The following BCO2 variants were observed in gnomAD, a reference collection of about 807,000 sequenced individuals.
BCO2 encodes the protein beta-carotene oxygenase 2, also known as carotenoid-cleaving dioxygenase, mitochondrial.
In BCO2, 56 loss-of-function variants were observed where a neutral mutation model predicts 65.8. The ratio of observed to expected loss-of-function variants is 0.85; its 90% CI spans 0.69 to 1.06. The LOEUF (loss-of-function observed/expected upper bound fraction) is 1.06. BCO2 is among the 50% of genes least tolerant of loss of function. The probability of loss-of-function intolerance (pLI) is 0.00; values close to 1 mark genes in which losing one functional copy is unlikely to be tolerated. For synonymous variants in BCO2, 233 were observed against 242.3 expected (o/e 0.96, Z 0.36); for missense variants, 675 against 698.5 (o/e 0.97, Z 0.38).
chr11:112,215,149 A>G, intron 10 of BCO2: 1 of 569,968 alleles, frequency 1.8e-6, no homozygotes, highest in East Asian at 2.9e-5. Context: ...CAGCAAAATA[A>G]TTCTATGTTT....
chr11:112,213,631 A>G, intron 8 of BCO2, 93 bp from the exon 9 acceptor site: 1 of 1,220,346 alleles, frequency 8.2e-7, no homozygotes, highest in East Asian at 2.3e-5. Flanking sequence ...TTAAATATTT[A>G]GGAATGCCAA....
At chr11:112,182,960 A>C in intron 2 of BCO2, 3 of 1,107,436 alleles carry the variant, frequency 2.7e-6, no homozygotes, top group Non-Finnish European at 4.2e-6. Context: ...TGAAAGGTGT[A>C]GATATGGAAG....
chr11:112,198,215 T>G (rs1356949139), intron 5 of BCO2, among the ~76,000 whole-genome samples: 5 of 151,996 alleles, frequency 3.3e-5, no homozygotes, highest in Non-Finnish European at 4.4e-5. Flanking sequence ...CACAGCACTT[T>G]GGGAAGATGA....
chr11:112,188,762 T>A (rs1867283093), intron 2 of BCO2, among the ~76,000 whole-genome samples: 1 of 151,618 alleles, frequency 6.6e-6, no homozygotes, highest in African/African-American at 2.4e-5. Context: ...AATAGCTTTT[T>A]TTTTTTTTAA....
intron 2 of BCO2, among the ~76,000 whole-genome samples, chr11:112,185,566 T>A (rs1474148033): frequency 7.2e-5 from 11 of 152,216 alleles, no homozygotes; most frequent in Non-Finnish European, 1.5e-4. Context: ...TTTGATGTAT[T>A]TCCTGCCAGT....
intron 2 of BCO2, among the ~76,000 whole-genome samples, chr11:112,191,747 T>C (rs1867397153): frequency 6.6e-6 from 1 of 152,078 alleles, no homozygotes; most frequent in Non-Finnish European, 1.5e-5. Context: ...AATTAAAACA[T>C]TGTGATATTG....
At chr11:112,194,585 T>C in intron 4 of BCO2, 68 bp from the exon 5 acceptor site, 1 of 912,628 alleles carries the variant, frequency 1.1e-6, no homozygotes, top group Non-Finnish European at 1.8e-6. Context: ...ACATTAGATA[T>C]TTCTACTATT....
chr11:112,179,238 T>G (rs1424221243), intron 1 of BCO2, 40 bp from the exon 2 acceptor site: 1 of 1,578,914 alleles, frequency 6.3e-7, no homozygotes, highest in Non-Finnish European at 8.7e-7. Flanking sequence ...ATAGAAGATT[T>G]GGTAAAATAT....
chr11:112,201,591 TTACTC>T lies in BCO2; in HGVS notation c.1027-429_1027-425del, dbSNP rs553035469. Among the ~76,000 whole-genome samples, 9 of 152,316 alleles carry T rather than the reference TTACTC, an allele frequency of 5.9e-5. No homozygotes were observed. The South Asian group carries it at 1.7e-3, about 28-fold the overall frequency. ...TCTCTAAAGAGATAGTATCTTAAAT[TTACTC>T]TATCTGGATCTCATTACAAAAAAAA... is the stretch of plus-strand genomic sequence containing the variant. On this transcript the variant is annotated intron_variant, in intron 7 of 11. Coordinates refer to ENST00000357685, the MANE Select transcript of BCO2 (RefSeq NM_031938.7).
At chr11:112,203,412 G>C (rs1357060864) in intron 8 of BCO2, among the ~76,000 whole-genome samples, 3 of 151,980 alleles carry the variant, frequency 2.0e-5, no homozygotes, top group African/African-American at 7.3e-5. Context: ...ATGGCCTTTT[G>C]CATGTCTATA....
chr11:112,197,965 G>A (rs1016347285), intron 5 of BCO2, among the ~76,000 whole-genome samples: 1 of 152,128 alleles, frequency 6.6e-6, no homozygotes, highest in Non-Finnish European at 1.5e-5. Context: ...ACCTCCTTTA[G>A]GTCTTTACTC....
chr11:112,176,659 A>C (rs760770340), intron 1 of BCO2, among the ~76,000 whole-genome samples: 11 of 152,200 alleles, frequency 7.2e-5, no homozygotes, highest in Non-Finnish European at 1.3e-4. Flanking sequence ...AGGAACATTC[A>C]TGAAGTGGTA....
At chr11:112,217,165 A>G (rs1157233616) in intron 11 of BCO2, among the ~76,000 whole-genome samples, 8 of 152,236 alleles carry the variant, frequency 5.3e-5, no homozygotes, top group African/African-American at 1.9e-4. Flanking sequence ...ACTCAAAGAA[A>G]TTCTGTGAAG....
chr11:112,196,444 A>G (rs1867576753), intron 5 of BCO2, among the ~76,000 whole-genome samples: 1 of 152,226 alleles, frequency 6.6e-6, no homozygotes, highest in Non-Finnish European at 1.5e-5. Flanking sequence ...CTTTGGTTTT[A>G]GCTTTTCTAG....
At chr11:112,181,805 C>A (rs1323679086) in intron 2 of BCO2, 2 of 852,864 alleles carry the variant, frequency 2.3e-6, no homozygotes, top group African/African-American at 3.3e-5. Flanking sequence ...TCAAAATGGC[C>A]AGTTTAAGCT....
intron 2 of BCO2, among the ~76,000 whole-genome samples, chr11:112,190,182 A>G (rs1352832997): frequency 6.6e-6 from 1 of 152,124 alleles, no homozygotes. Context: ...GCTACTTGGG[A>G]GGCTGAGGCA....
intron 5 of BCO2, among the ~76,000 whole-genome samples, chr11:112,197,562 A>AG (rs1867616119): frequency 1.3e-5 from 2 of 149,398 alleles, no homozygotes; most frequent in Non-Finnish European, 3.0e-5. Context: ...AAAAAAAAAA[A>AG]GAAGTAATTT....
At chr11:112,184,814 A>G (rs997914254) in intron 2 of BCO2, among the ~76,000 whole-genome samples, 6 of 152,076 alleles carry the variant, frequency 3.9e-5, no homozygotes, top group Non-Finnish European at 5.9e-5. Context: ...AAGTGCAGGG[A>G]TATTAGCTGT....
chr11:112,198,292 C>T (rs1867635265), intron 5 of BCO2, among the ~76,000 whole-genome samples: 1 of 151,804 alleles, frequency 6.6e-6, no homozygotes, highest in African/African-American at 2.4e-5. Flanking sequence ...CACTGTACTC[C>T]AGACTGGGTG....
Sources: allele counts gnomAD v4.1 joint callset (sites outside exome capture counted in the v4.1 genomes callset), GRCh38; gene constraint gnomAD v4.1.1; transcripts MANE v1.5; gene names NCBI Gene and HGNC (gene_info 2026-07-23, HGNC 2026-07-21).